Variants in ROBO1 observed in about 807,000 individuals in gnomAD.
ROBO1 encodes roundabout homolog 1.
Under a neutral mutation model 195.9 loss-of-function variants are expected in ROBO1, and 149 were observed. The observed-to-expected ratio is 0.76, with a 90% CI of 0.67 to 0.87. The LOEUF is 0.87. Ranked by LOEUF, ROBO1 falls within the 40% of genes least tolerant of loss-of-function variation. ROBO1 has a pLI of 0.00. For synonymous variants in ROBO1, 816 were observed against 733.2 expected (o/e 1.11, Z -1.82); for missense variants, 1,933 against 2,068.3 (o/e 0.93, Z 1.27).
At chr3:79,699,367 C>T (rs1947544829) in intron 1 of ROBO1, among the ~76,000 whole-genome samples, 1 of 151,520 alleles carries the variant, frequency 6.6e-6, no homozygotes, top group Non-Finnish European at 1.5e-5. Context: ...GTGCGCCTTC[C>T]AGGTTTGTCT....
At chr3:79,666,362 C>T (rs1419538879) in intron 1 of ROBO1, among the ~76,000 whole-genome samples, 1 of 151,948 alleles carries the variant, frequency 6.6e-6, no homozygotes, top group Non-Finnish European at 1.5e-5. Flanking sequence ...GAATTATTAA[C>T]AATTGATTAG....
intron 3 of ROBO1, among the ~76,000 whole-genome samples, chr3:78,963,643 G>T (rs1018984807): frequency 6.6e-6 from 1 of 150,680 alleles, no homozygotes; most frequent in Non-Finnish European, 1.5e-5. Flanking sequence ...CTCAGCCTCC[G>T]GAGTAGCTGG....
At chr3:79,510,376 C>T (rs1200914006) in intron 2 of ROBO1, among the ~76,000 whole-genome samples, 1 of 152,136 alleles carries the variant, frequency 6.6e-6, no homozygotes, top group African/African-American at 2.4e-5. Context: ...TGAGGCCTTC[C>T]CAGTTATATG....
intron 1 of ROBO1, among the ~76,000 whole-genome samples, chr3:79,762,357 C>A (rs1047625582): frequency 2.6e-5 from 4 of 152,002 alleles, no homozygotes; most frequent in Non-Finnish European, 5.9e-5. Context: ...GCCCCACTTC[C>A]TAATTTTAAT....
chr3:79,446,487 T>C (rs1032901454), intron 2 of ROBO1, among the ~76,000 whole-genome samples: 2 of 152,230 alleles, frequency 1.3e-5, no homozygotes, highest in African/African-American at 4.8e-5. Context: ...AAGATCATGC[T>C]GCAATTAGTG....
chr3:79,330,137 T>C (rs933799517), intron 2 of ROBO1, among the ~76,000 whole-genome samples: 3 of 151,630 alleles, frequency 2.0e-5, no homozygotes, highest in Admixed American at 1.3e-4. Context: ...TGGAATATCT[T>C]TCTATCCTTA....
intron 5 of ROBO1, among the ~76,000 whole-genome samples, chr3:78,737,218 T>C (rs1219051415): frequency 6.6e-6 from 1 of 152,164 alleles, no homozygotes; most frequent in Non-Finnish European, 1.5e-5. Flanking sequence ...CTCACAGTGG[T>C]GAATCAGATA....
chr3:78,944,922 A>G (rs1395383177), intron 3 of ROBO1, among the ~76,000 whole-genome samples: 2 of 152,176 alleles, frequency 1.3e-5, no homozygotes, highest in African/African-American at 4.8e-5. Flanking sequence ...TTGCTAGCAC[A>G]GCAGTCCCAG....
intron 3 of ROBO1, among the ~76,000 whole-genome samples, chr3:79,003,054 T>C (rs1254156159): frequency 6.6e-6 from 1 of 152,190 alleles, no homozygotes; most frequent in Non-Finnish European, 1.5e-5. Flanking sequence ...AATCTCTTAA[T>C]CCTCTTAGAA....
chr3:79,695,498 C>T (rs932268341), intron 1 of ROBO1, among the ~76,000 whole-genome samples: 1 of 151,386 alleles, frequency 6.6e-6, no homozygotes, highest in Non-Finnish European at 1.5e-5. Flanking sequence ...GACTGTGGTG[C>T]TTTTTCTCTC....
chr3:79,568,985 A>ATAAG (rs1943183399), intron 2 of ROBO1, among the ~76,000 whole-genome samples: 1 of 152,198 alleles, frequency 6.6e-6, no homozygotes, highest in Non-Finnish European at 1.5e-5. Context: ...CTAAGAGGAA[A>ATAAG]TAAGTTAGCC....
intron 3 of ROBO1, among the ~76,000 whole-genome samples, chr3:79,112,325 C>T (rs536865044): frequency 4.1e-4 from 62 of 152,172 alleles, no homozygotes; most frequent in African/African-American, 1.4e-3. Context: ...GAGAAGTGCT[C>T]CTGCACATCT....
intron 2 of ROBO1, among the ~76,000 whole-genome samples, chr3:79,381,622 T>G (rs552955905): frequency 8.6e-5 from 13 of 152,000 alleles, no homozygotes; most frequent in African/African-American, 3.1e-4. Flanking sequence ...AGCCCTAAAG[T>G]CTTACTTAAA....
intron 2 of ROBO1, among the ~76,000 whole-genome samples, chr3:79,478,262 CCTTGATGTTCTTATGGGG>C (rs1358969426): frequency 6.6e-6 from 1 of 152,100 alleles, no homozygotes; most frequent in East Asian, 1.9e-4. Flanking sequence ...TAGAGAAATG[CCTTGATGTTCTTATGGGG>C]CTCATATCCT....
Position 79,666,530 on chromosome 3 carries a change from C to T in ROBO1, c.-50-76569G>A, listed in dbSNP as rs114647308. Among the ~76,000 whole-genome samples the T allele has an allele frequency of 4.6e-3, 702 of 151,934 alleles. 3 individuals carry two copies. Among genetic ancestry groups the T allele is most frequent in the Non-Finnish European group, 8.2e-3 (558 of 67,890 alleles). On this transcript the variant is annotated intron_variant, in intron 1 of 30. Transcript: ENST00000464233. ...AGGGACCCAGTGGAGATGATTGAAT[C>T]GTGGGGGCAGTTCCCCTCATACTGT... is the stretch of plus-strand genomic sequence containing the variant.
intron 4 of ROBO1, among the ~76,000 whole-genome samples, chr3:78,911,221 C>T (rs1293071588): frequency 1.3e-5 from 2 of 152,114 alleles, no homozygotes; most frequent in South Asian, 4.1e-4. Flanking sequence ...ATAATTGCAT[C>T]CATACTTTGA....
chr3:79,121,614 A>G (rs1198970057), intron 3 of ROBO1, among the ~76,000 whole-genome samples: 1 of 152,028 alleles, frequency 6.6e-6, no homozygotes, highest in African/African-American at 2.4e-5. Flanking sequence ...CAAAACTCTG[A>G]TAATCTTTTA....
chr3:78,998,187 G>A (rs1054875199), intron 3 of ROBO1, among the ~76,000 whole-genome samples: 2 of 152,150 alleles, frequency 1.3e-5, no homozygotes, highest in Non-Finnish European at 2.9e-5. Flanking sequence ...CAAAATTGAA[G>A]ATAATGCAGC....
chr3:79,220,094 A>G (rs549287491), intron 2 of ROBO1, among the ~76,000 whole-genome samples: 1 of 152,084 alleles, frequency 6.6e-6, no homozygotes, highest in African/African-American at 2.4e-5. Flanking sequence ...GTGTGATGAG[A>G]AGAAGGAAAG....
Sources: allele counts gnomAD v4.1 joint callset (sites outside exome capture counted in the v4.1 genomes callset), GRCh38; gene constraint gnomAD v4.1.1; transcripts MANE v1.5; gene names NCBI Gene and HGNC (gene_info 2026-07-23, HGNC 2026-07-21).